The following KLHL29 variants were observed in gnomAD, a reference collection of about 807,000 sequenced individuals.
KLHL29 encodes the protein kelch like family member 29, also known as kelch-like protein 29.
A neutral mutation model predicts 80.4 loss-of-function variants in KLHL29; 21 were observed. That is an observed-to-expected ratio of 0.26 (90% CI 0.19 to 0.38). KLHL29 has a LOEUF of 0.38. Ranked by LOEUF, KLHL29 falls within the 10% of genes least tolerant of loss-of-function variation. The probability of loss-of-function intolerance (pLI) is 1.00; values close to 1 mark genes in which losing one functional copy is unlikely to be tolerated. For synonymous variants in KLHL29, 511 were observed against 526.8 expected (o/e 0.97, Z 0.41); for missense variants, 867 against 1,223.9 (o/e 0.71, Z 4.35).
intron 5 of KLHL29, among the ~76,000 whole-genome samples, chr2:23,646,715 A>G (rs967577089): frequency 2.6e-5 from 4 of 152,040 alleles, no homozygotes; most frequent in African/African-American, 9.7e-5. Flanking sequence ...ACCTCATGGC[A>G]CACCATTCAT....
Position 23,523,133 on chromosome 2 carries a change from C to G in KLHL29, c.-45-39019C>G, listed in dbSNP as rs547390911. On this transcript the variant is annotated intron_variant, in intron 2 of 13. Transcript: ENST00000486442. ...TTCTCACTTCCACTGGTTTCTTTAC[C>G]AGCACCAGTGTGCATTTTGTTCAGC... 2.0e-5 allele frequency among the ~76,000 whole-genome samples: 3 copies of G among 152,298 alleles called. No individual in the cohort carries two copies. In the South Asian group the frequency reaches 6.2e-4, roughly 32 times the overall value.
At position 23,597,305 on chromosome 2, in the gene KLHL29, A is replaced by ATGTGTG. The variant is rs1414492384; in HGVS notation, c.285+34825_285+34826insGTGTGT. 4.7e-3 allele frequency among the ~76,000 whole-genome samples: 457 copies of ATGTGTG among 97,522 alleles called. 3 individuals carry two copies. Among genetic ancestry groups the ATGTGTG allele is most frequent in the East Asian group, 0.013 (37 of 2,852 alleles). 64.0% of individuals were successfully genotyped at this position (97,522 alleles called of 152,430 possible). ...CTATCTCTCTCTCTCTCATATATATATATATGTGTGTGTGTGTGTGTGTGT... is the reference window on the plus strand; with the variant it reads ...CTATCTCTCTCTCTCTCATATATATATGTGTGTATATGTGTGTGTGTGTGTGTGTGT... On this transcript the variant is annotated intron_variant, in intron 3 of 13. Transcript: ENST00000486442.
chr2:23,516,399 C>T (rs182213080), intron 2 of KLHL29, among the ~76,000 whole-genome samples: 193 of 152,228 alleles, frequency 1.3e-3, no homozygotes, highest in African/African-American at 4.3e-3. Flanking sequence ...TACACACACG[C>T]GCACACACAC....
intron 5 of KLHL29, among the ~76,000 whole-genome samples, chr2:23,653,598 C>G (rs1670149407): frequency 6.6e-6 from 1 of 152,136 alleles, no homozygotes; most frequent in Admixed American, 6.5e-5. Context: ...ATACATGACG[C>G]ACACAGGCAA....
intron 1 of KLHL29, among the ~76,000 whole-genome samples, chr2:23,458,131 C>G (rs141855742): frequency 2.0e-5 from 3 of 152,226 alleles, no homozygotes; most frequent in African/African-American, 7.2e-5. Flanking sequence ...AGGTGGCCGG[C>G]GTTGCCCCAG....
intron 2 of KLHL29, among the ~76,000 whole-genome samples, chr2:23,494,623 G>A (rs530579383): frequency 1.4e-4 from 22 of 152,300 alleles, no homozygotes; most frequent in African/African-American, 5.1e-4. Context: ...AAGCCTCTCT[G>A]GAGAGTTCTG....
chr2:23,631,892 GC>G (rs1420851597), intron 3 of KLHL29, among the ~76,000 whole-genome samples: 1 of 152,162 alleles, frequency 6.6e-6, no homozygotes, highest in Non-Finnish European at 1.5e-5. Context: ...GTCCTGATGA[GC>G]AGCATCAACC....
chr2:23,434,555 A>G (rs996390545), intron 1 of KLHL29, among the ~76,000 whole-genome samples: 1 of 152,186 alleles, frequency 6.6e-6, no homozygotes, highest in South Asian at 2.1e-4. Flanking sequence ...TCCTGATTTC[A>G]AACTTGGGCC....
At position 23,459,172 on chromosome 2, in the gene KLHL29, G is replaced by A. The variant is rs149710414; in HGVS notation, c.-153-16388G>A. ...GGTTACATCTAGATATAAGATGGTT[G>A]GTGTGCTCTATTCTGAGACAGGAAG... On this transcript the variant is annotated intron_variant, in intron 1 of 13. Transcript: ENST00000486442. Among the ~76,000 whole-genome samples, 215 of 152,230 alleles carry A rather than the reference G, an allele frequency of 1.4e-3. 1 individual carries two copies. Among genetic ancestry groups the A allele is most frequent in the African/African-American group, 5.0e-3 (207 of 41,536 alleles).
At chr2:23,454,472 C>G (rs1371448395) in intron 1 of KLHL29, among the ~76,000 whole-genome samples, 4 of 152,068 alleles carry the variant, frequency 2.6e-5, no homozygotes, top group Non-Finnish European at 5.9e-5. Flanking sequence ...ATTTAAACCC[C>G]CAGGCAGACT....
intron 3 of KLHL29, among the ~76,000 whole-genome samples, chr2:23,636,399 G>GAA (rs756008103): frequency 9.1e-5 from 12 of 131,922 alleles, no homozygotes; most frequent in African/African-American, 3.0e-4. Flanking sequence ...TACCCTAAAG[G>GAA]AAAAAAAAAA....
At chr2:23,444,807 C>T (rs974343653) in intron 1 of KLHL29, among the ~76,000 whole-genome samples, 3 of 152,046 alleles carry the variant, frequency 2.0e-5, no homozygotes, top group Non-Finnish European at 4.4e-5. Flanking sequence ...TACAGATGTA[C>T]GATCAGAGTT....
At chr2:23,404,216 C>T (rs972316582) in intron 1 of KLHL29, among the ~76,000 whole-genome samples, 1 of 151,948 alleles carries the variant, frequency 6.6e-6, no homozygotes, top group Admixed American at 6.6e-5. Context: ...CCGTCAATCT[C>T]AGGTGATGGT....
At chr2:23,605,428 G>T (rs557991391) in intron 3 of KLHL29, among the ~76,000 whole-genome samples, 2 of 151,974 alleles carry the variant, frequency 1.3e-5, no homozygotes, top group Non-Finnish European at 2.9e-5. Context: ...ACTTCCACGC[G>T]GCTCTTGTAT....
At chr2:23,518,830 C>T (rs1207571038) in intron 2 of KLHL29, among the ~76,000 whole-genome samples, 2 of 152,228 alleles carry the variant, frequency 1.3e-5, no homozygotes, top group African/African-American at 2.4e-5. Flanking sequence ...CTCCTATCCC[C>T]ATATCATGAA....
intron 2 of KLHL29, chr2:23,507,347 C>T (rs1665630527): frequency 5.7e-6 from 1 of 175,846 alleles, no homozygotes; most frequent in Admixed American, 6.1e-5. Context: ...TGTGTGCTAG[C>T]CCACCAGATA....
chr2:23,386,585 G>A (rs1666188117), intron 1 of KLHL29, among the ~76,000 whole-genome samples: 2 of 152,224 alleles, frequency 1.3e-5, no homozygotes, highest in Middle Eastern at 3.4e-3. Flanking sequence ...CTGGAGATGT[G>A]TAGTGTGGGA....
chr2:23,618,647 C>T (rs1176528621), intron 3 of KLHL29, among the ~76,000 whole-genome samples: 3 of 152,122 alleles, frequency 2.0e-5, no homozygotes, highest in Admixed American at 2.0e-4. Flanking sequence ...AACTGCAGAT[C>T]GCGGGACTTC....
chr2:23,703,903 G>C, intron 13 of KLHL29, 40 bp downstream of exon 13: 1 of 1,516,830 alleles, frequency 6.6e-7, no homozygotes, highest in East Asian at 2.5e-5. Context: ...TGGGACGGAG[G>C]AGTGGGAGGA....
Sources: gnomAD v4.1 joint callset for allele counts (sites outside exome capture counted in the v4.1 genomes callset) on GRCh38, gnomAD v4.1.1 for gene constraint, MANE v1.5 for transcripts, NCBI Gene and HGNC (gene_info 2026-07-23, HGNC 2026-07-21) for gene names.